BEAN1: variants seen among roughly 807,000 people sequenced by gnomAD.
The protein encoded by BEAN1 is protein BEAN1.
A neutral mutation model predicts 17.7 loss-of-function variants in BEAN1; 17 were observed. The ratio of observed to expected loss-of-function variants is 0.96; its 90% CI spans 0.66 to 1.44. The LOEUF (loss-of-function observed/expected upper bound fraction) is 1.44. BEAN1 is among the 40% of genes most tolerant of loss of function. BEAN1 has a pLI of 0.00. For synonymous variants in BEAN1, 142 were observed against 151.8 expected (o/e 0.94, Z 0.47); for missense variants, 359 against 374.1 (o/e 0.96, Z 0.33).
chr16:66,467,501 T>C (rs977489915), intron 2 of BEAN1, among the ~76,000 whole-genome samples: 1 of 152,156 alleles, frequency 6.6e-6, no homozygotes, highest in African/African-American at 2.4e-5. Flanking sequence ...GAGAACAGCA[T>C]GGGAGAAACT....
chr16:66,482,451 A>G lies in BEAN1; in HGVS notation c.*1526A>G, dbSNP rs1019512595. On this transcript the variant is annotated 3_prime_UTR_variant, in exon 5 of 5. Transcript: ENST00000536005. The stretch of plus-strand genomic sequence containing the variant: ...GTGCGGAGCTGAAAGGAATCCACCC[A>G]GAAGTTCTGTAGCATCCTGCGTGCA... 38 of 169,070 alleles carry G rather than the reference A, an allele frequency of 2.2e-4. No homozygotes were observed. Among genetic ancestry groups the G allele is most frequent in the African/African-American group, 8.6e-4 (36 of 41,636 alleles). The allele number at this position is 169,070 out of a possible 1,614,324, so 10.5% of individuals were successfully genotyped here. A position where few individuals can be genotyped will look rare whatever the true frequency, so the allele number is the denominator to read the frequency against.
chr16:66,427,633 C>A lies in BEAN1; in HGVS notation c.-83+202C>A, dbSNP rs979019386. On this transcript the variant is annotated intron_variant, in intron 1 of 4. Transcript: ENST00000536005. This position sits in a 1 kb window ranked among gnomAD's most constrained non-coding sequence, Gnocchi z 4.7. The stretch of plus-strand genomic sequence containing the variant: ...ACGGAGCGGGATCCCGGGTCTCCCG[C>A]GGACCCTCGACCCCGGGCTGGCCAC... 4.6e-5 allele frequency: 7 copies of A among 152,098 alleles called. No individual in the cohort carries two copies. Among genetic ancestry groups the A allele is most frequent in the Admixed American group, 6.5e-5 (1 of 15,284 alleles). 9.4% of individuals were successfully genotyped at this position (152,098 alleles called of 1,614,324 possible).
rs1567502001 is a variant in BEAN1 at position 66,469,794 on chromosome 16, GCCACCACCGCCACCA to G, written c.227_241del (p.Arg76_His80del). The G allele has an allele frequency of 3.3e-6, 5 of 1,530,596 alleles. No individual in the cohort carries two copies. The highest frequency in any genetic ancestry group is 3.5e-6 in the Non-Finnish European group (4 of 1,143,398). 94.8% of individuals were successfully genotyped at this position (1,530,596 alleles called of 1,614,324 possible). On this transcript the variant is annotated inframe_deletion, in exon 3 of 5. Coordinates refer to ENST00000536005, the MANE Select transcript of BEAN1 (RefSeq NM_001178020.3). ...GCCCGGCTTCAGCGGCACCGCCACC[GCCACCACCGCCACCA>G]CCACCACCATCATCACCACCGCCGG...
rs554992323 is a variant in BEAN1 at position 66,469,754 on chromosome 16, C to T, written c.178C>T (p.Arg60Cys). The change falls in exon 3 of 5, where the codon CGC becomes TGC. Residue 60 changes from arginine (R) to cysteine (C), a missense_variant. Coordinates refer to ENST00000536005, the MANE Select transcript of BEAN1 (RefSeq NM_001178020.3). ...SCITIIVGSI[R>C]RDRQARLQRH... ...CATCACCATCATTGTGGGCAGCATC[C>T]GCAGGGACAGGCAGGCCCGGCTTCA... 30 of 1,536,118 alleles carry T rather than the reference C, an allele frequency of 2.0e-5. No homozygotes were observed. The South Asian group carries it at 2.5e-4, about 13-fold the overall frequency.
At chr16:66,477,765 G>A in intron 4 of BEAN1, 55 bp downstream of exon 4, 1 of 1,451,066 alleles carries the variant, frequency 6.9e-7, no homozygotes. Flanking sequence ...TGGACACAAA[G>A]ACCCCCCAAC....
intron 3 of BEAN1, among the ~76,000 whole-genome samples, chr16:66,474,772 GGA>G (rs950374580): frequency 6.6e-6 from 1 of 152,062 alleles, no homozygotes; most frequent in Non-Finnish European, 1.5e-5. Flanking sequence ...AAGAAAGAAA[GGA>G]GAGAGAAGGA....
rs1964018499 is a variant in BEAN1, at chr16:66,482,562, C to CA, written c.*1643dup. 2.3e-5 allele frequency: 7 copies of CA among 299,194 alleles called. No homozygotes were observed. Among genetic ancestry groups the CA allele is most frequent in the South Asian group, 1.6e-4 (6 of 36,860 alleles). 18.5% of individuals were successfully genotyped at this position (299,194 alleles called of 1,614,324 possible). A position where few individuals can be genotyped will look rare whatever the true frequency, so the allele number is the denominator to read the frequency against. ...CCTTAGTGGTGTACTGTTTTCTAGG[C>CA]AAAAAATATCTGTCTGTTGTACTGT... On this transcript the variant is annotated 3_prime_UTR_variant, in exon 5 of 5. Transcript: ENST00000536005.
intron 2 of BEAN1, among the ~76,000 whole-genome samples, chr16:66,467,982 C>G (rs1283061575): frequency 6.6e-6 from 1 of 152,194 alleles, no homozygotes; most frequent in African/African-American, 2.4e-5. Context: ...CTTTTGGGGT[C>G]AGTGCTAGAA....
intron 2 of BEAN1, among the ~76,000 whole-genome samples, chr16:66,461,632 C>A (rs1202310533): frequency 6.7e-6 from 1 of 150,036 alleles, no homozygotes; most frequent in East Asian, 2.0e-4. Flanking sequence ...GCACATCCAA[C>A]TCTAGGTTTG....
intron 2 of BEAN1, among the ~76,000 whole-genome samples, chr16:66,438,345 T>C (rs143576041): frequency 1.7e-3 from 258 of 152,070 alleles, no homozygotes; most frequent in Non-Finnish European, 3.0e-3. Context: ...GATCACACCA[T>C]TGCACTCCAG....
At chr16:66,464,135 A>C (rs1483796740) in intron 2 of BEAN1, among the ~76,000 whole-genome samples, 1 of 152,164 alleles carries the variant, frequency 6.6e-6, no homozygotes, top group Non-Finnish European at 1.5e-5. Flanking sequence ...CATGAATTTT[A>C]AGATCAGCTT....
chr16:66,433,290 T>A (rs1961876030), intron 1 of BEAN1, among the ~76,000 whole-genome samples: 1 of 152,098 alleles, frequency 6.6e-6, no homozygotes, highest in Non-Finnish European at 1.5e-5. Context: ...TTTGTATTTT[T>A]AGTAGAGATA....
chr16:66,491,063 G>A (rs1952801860), intron 4 of BEAN1, among the ~76,000 whole-genome samples: 1 of 152,152 alleles, frequency 6.6e-6, no homozygotes, highest in African/African-American at 2.4e-5. Flanking sequence ...CAATCCCCAG[G>A]CCCAGGCGAA....
downstream of BEAN1, chr16:66,485,168 A>C (rs1441036835): frequency 2.2e-6 from 1 of 450,556 alleles, no homozygotes; most frequent in African/African-American, 2.0e-5. Context: ...ACACTGGCCA[A>C]GCCCACATGC....
In BEAN1 at chr16:66,434,610, G is replaced by A. The variant is rs1363159548; in HGVS notation, c.-82-2985G>A. ...GAAATGAATCAATGGATGCAAGCCT[G>A]GGGTGCTAGGAGGTTGCAGCGGGAG... is the stretch of plus-strand genomic sequence containing the variant. On this transcript the variant is annotated intron_variant, in intron 1 of 4. Coordinates refer to ENST00000536005, the MANE Select transcript of BEAN1 (RefSeq NM_001178020.3). This position sits in a 1 kb window ranked among gnomAD's most constrained non-coding sequence, Gnocchi z 4.3. 2.0e-5 allele frequency among the ~76,000 whole-genome samples: 3 copies of A among 152,146 alleles called. No homozygotes were observed. The highest frequency in any genetic ancestry group is 4.4e-5 in the Non-Finnish European group (3 of 68,036).
downstream of BEAN1, chr16:66,483,492 G>A (rs1176603226): frequency 6.6e-6 from 1 of 152,586 alleles, no homozygotes; most frequent in East Asian, 1.9e-4. Flanking sequence ...AGAGGAAAGT[G>A]GCAATGAAAC....
chr16:66,484,719 T>G, downstream of BEAN1: 1 of 453,696 alleles, frequency 2.2e-6, no homozygotes, highest in East Asian at 7.0e-5. The surrounding 1 kb of genome is among the most constrained non-coding windows in gnomAD (Gnocchi z 4.2). Flanking sequence ...AGTGAGGGGG[T>G]CACCAAGCAG....
intron 2 of BEAN1, among the ~76,000 whole-genome samples, chr16:66,456,815 C>T (rs911349589): frequency 1.2e-4 from 18 of 152,130 alleles, no homozygotes; most frequent in Non-Finnish European, 1.9e-4. Context: ...AAGTTAGATA[C>T]GCAGAGGAAT....
At position 66,434,930 on chromosome 16, in the gene BEAN1, C is replaced by T. The variant is rs1252493234; in HGVS notation, c.-82-2665C>T. 2.6e-5 allele frequency among the ~76,000 whole-genome samples: 4 copies of T among 152,110 alleles called. No homozygotes were observed. The highest frequency in any genetic ancestry group is 4.8e-5 in the African/African-American group (2 of 41,438). On this transcript the variant is annotated intron_variant, in intron 1 of 4. Coordinates refer to ENST00000536005, the MANE Select transcript of BEAN1 (RefSeq NM_001178020.3). This position sits in a 1 kb window ranked among gnomAD's most constrained non-coding sequence, Gnocchi z 4.3. ...AGGCCACACTGACCCTCCATGCCCT[C>T]GAGGAGCTACTGGTCTAGAATAATT...
Sources: gnomAD v4.1 joint callset for allele counts (sites outside exome capture counted in the v4.1 genomes callset) on GRCh38, gnomAD v4.1.1 for gene constraint, Gnocchi (gnomAD v3.1) non-coding constraint, MANE v1.5 for transcripts, NCBI Gene and HGNC (gene_info 2026-07-23, HGNC 2026-07-21) for gene names.